Variants in CDH12 observed in about 807,000 individuals in gnomAD.
CDH12 encodes cadherin 12, also known as cadherin-12.
Under a neutral mutation model 74.1 loss-of-function variants are expected in CDH12, and 41 were observed. The observed-to-expected ratio is 0.55, with a 90% CI of 0.43 to 0.72. The LOEUF (loss-of-function observed/expected upper bound fraction) is 0.72, where lower values mean the gene tolerates loss of function less well. Among genes scored for constraint, CDH12 ranks in the 30% least tolerant of loss-of-function variants. The pLI, the probability that CDH12 is intolerant of heterozygous loss-of-function variation, is 0.00. For synonymous variants in CDH12, 399 were observed against 355.0 expected, an observed-to-expected ratio of 1.12 and a Z score of -1.39; for missense variants, 945 against 977.2, an observed-to-expected ratio of 0.97 and a Z score of 0.44.
chr5:22,479,066 C>A (rs1171518787), intron 2 of CDH12, among the ~76,000 whole-genome samples: 2 of 152,124 alleles, frequency 1.3e-5, no homozygotes, highest in African/African-American at 4.8e-5. Context: ...AGAAAAGCAA[C>A]GGTTTGCAAT....
At chr5:22,740,470 G>GCTA (rs1744970579) in intron 1 of CDH12, among the ~76,000 whole-genome samples, 1 of 151,732 alleles carries the variant, frequency 6.6e-6, no homozygotes, top group Admixed American at 6.6e-5. Flanking sequence ...GAGTTAAAAG[G>GCTA]CTACTGCTTA....
chr5:22,818,670 T>C (rs1327868335), intron 1 of CDH12, among the ~76,000 whole-genome samples: 1 of 152,138 alleles, frequency 6.6e-6, no homozygotes, highest in East Asian at 1.9e-4. Context: ...TCAATGATTT[T>C]AATAGTTGGA....
chr5:22,103,087 C>T (rs1450528419), intron 4 of CDH12, among the ~76,000 whole-genome samples: 2 of 152,158 alleles, frequency 1.3e-5, no homozygotes, highest in Admixed American at 6.5e-5. Context: ...CAGATGCCTG[C>T]TCTGACTTTC....
intron 3 of CDH12, among the ~76,000 whole-genome samples, chr5:22,269,175 C>G (rs1421318016): frequency 1.3e-5 from 2 of 151,964 alleles, no homozygotes; most frequent in Admixed American, 6.6e-5. Context: ...AATATGTGTT[C>G]AATAGTATTT....
chr5:21,974,417 G>A, intron 6 of CDH12, among the ~76,000 whole-genome samples: 1 of 152,014 alleles, frequency 6.6e-6, no homozygotes, highest in Admixed American at 6.6e-5. Flanking sequence ...TGTAAATTTA[G>A]GCTGATATGG....
chr5:22,271,388 C>T (rs73742084), intron 3 of CDH12, among the ~76,000 whole-genome samples: 1,737 of 152,262 alleles, frequency 0.011, 37 homozygotes, highest in African/African-American at 0.04. Flanking sequence ...ATTGTCATCA[C>T]GTCTGCAGTT....
At chr5:22,505,172 A>T (rs542351182) in intron 2 of CDH12, 98 bp downstream of exon 2, 3 of 209,892 alleles carry the variant, frequency 1.4e-5, no homozygotes, top group African/African-American at 7.1e-5. Flanking sequence ...ATTTCTAATA[A>T]ATTTTTTTAA....
At chr5:22,219,173 A>C (rs2150367710) in intron 3 of CDH12, among the ~76,000 whole-genome samples, 1 of 151,824 alleles carries the variant, frequency 6.6e-6, no homozygotes, top group South Asian at 2.1e-4. Context: ...TTCAGCATCT[A>C]TGACACCGCA....
intron 1 of CDH12, among the ~76,000 whole-genome samples, chr5:22,678,877 G>T (rs1218482033): frequency 3.3e-5 from 5 of 151,978 alleles, no homozygotes; most frequent in Admixed American, 1.3e-4. Context: ...TACATGTAAG[G>T]CTTGAGTTTT....
intron 4 of CDH12, among the ~76,000 whole-genome samples, chr5:22,110,118 TC>T (rs1403331035): frequency 6.6e-6 from 1 of 152,208 alleles, no homozygotes; most frequent in Non-Finnish European, 1.5e-5. Flanking sequence ...AATGCTAGTT[TC>T]TTTTTGGTAT....
intron 1 of CDH12, among the ~76,000 whole-genome samples, chr5:22,840,505 A>T (rs1737035428): frequency 6.7e-6 from 1 of 150,126 alleles, no homozygotes; most frequent in African/African-American, 2.4e-5. Context: ...ATTTATATAT[A>T]TTATATATTT....
chr5:22,053,322 G>C (rs1488922382), intron 5 of CDH12, among the ~76,000 whole-genome samples: 1 of 152,032 alleles, frequency 6.6e-6, no homozygotes, highest in Non-Finnish European at 1.5e-5. Context: ...CATCTCTTTA[G>C]CTCCTTGAAA....
chr5:22,140,599 C>A (rs1184762152), intron 4 of CDH12, among the ~76,000 whole-genome samples: 1 of 152,128 alleles, frequency 6.6e-6, no homozygotes, highest in African/African-American at 2.4e-5. Flanking sequence ...CAAATATTGA[C>A]ACATTTCTTT....
rs1318041193 is a variant in CDH12 at position 22,779,261 on chromosome 5, C to T, written c.-523+73797G>A. On this transcript the variant is annotated intron_variant, in intron 1 of 14. Coordinates refer to ENST00000382254, the MANE Select transcript of CDH12 (RefSeq NM_004061.5). ...AAATGCAGAAATGGCTGCCTTCAAA[C>T]TATTTATATTTAAATATGTTTCAGA... Among the ~76,000 whole-genome samples the T allele has an allele frequency of 6.6e-5, 10 of 152,176 alleles. No homozygotes were observed. In the South Asian group the frequency reaches 1.9e-3, roughly 28 times the overall value.
chr5:22,653,030 C>T (rs367549526), intron 1 of CDH12, among the ~76,000 whole-genome samples: 46 of 152,190 alleles, frequency 3.0e-4, no homozygotes, highest in African/African-American at 1.1e-3. Context: ...TCTGTAAGCC[C>T]ATAAACATCC....
At chr5:21,943,584 C>T (rs1374814341) in intron 6 of CDH12, among the ~76,000 whole-genome samples, 5 of 151,992 alleles carry the variant, frequency 3.3e-5, no homozygotes, top group African/African-American at 9.7e-5. Flanking sequence ...GGATTACATA[C>T]GGGTACTACA....
chr5:22,140,604 T>A (rs927451219), intron 4 of CDH12, among the ~76,000 whole-genome samples: 3 of 152,184 alleles, frequency 2.0e-5, no homozygotes, highest in African/African-American at 7.2e-5. Flanking sequence ...ATTGACACAT[T>A]TCTTTATTGC....
chr5:22,701,539 A>G (rs1580903090), intron 1 of CDH12, among the ~76,000 whole-genome samples: 1 of 152,096 alleles, frequency 6.6e-6, no homozygotes, highest in Admixed American at 6.6e-5. Flanking sequence ...CATCTTTCTT[A>G]TTGCAACTAA....
rs71609752 is a variant in CDH12, at chr5:22,196,147, A to ATT, written c.-187+16349_-187+16350dup. ...TCTCTGTCTATTCTATCTGCATGTA[A>ATT]TTTTTTTTTTTTTTTTTTGACAGAG... On this transcript the variant is annotated intron_variant, in intron 4 of 14. Transcript: ENST00000382254. Among the ~76,000 whole-genome samples the ATT allele has an allele frequency of 1.3e-3, 177 of 132,098 alleles. 2 individuals carry two copies. Among genetic ancestry groups the ATT allele is most frequent in the African/African-American group, 4.5e-3 (162 of 35,738 alleles). 86.7% of individuals were successfully genotyped at this position (132,098 alleles called of 152,430 possible).
Sources: allele counts gnomAD v4.1 joint callset (sites outside exome capture counted in the v4.1 genomes callset), GRCh38; gene constraint gnomAD v4.1.1; transcripts MANE v1.5; gene names NCBI Gene and HGNC (gene_info 2026-07-23, HGNC 2026-07-21).